Variants in CDC42 observed in about 807,000 individuals in gnomAD.
The protein encoded by CDC42 is cell division cycle 42, also known as cell division control protein 42 homolog.
Under a neutral mutation model 20.8 loss-of-function variants are expected in CDC42, and 1 was observed. That is an observed-to-expected ratio of 0.05 (90% CI 0.02 to 0.23). The LOEUF is 0.23. Ranked by LOEUF, CDC42 falls within the 10% of genes least tolerant of loss-of-function variation. CDC42 has a pLI of 1.00. For missense variants in CDC42, 49 were observed against 227.9 expected, an observed-to-expected ratio of 0.21 and a Z score of 5.05; for synonymous variants, 72 against 84.8, an observed-to-expected ratio of 0.85 and a Z score of 0.83.
intron 5 of CDC42, among the ~76,000 whole-genome samples, chr1:22,088,643 A>G (rs762083419): frequency 1.4e-4 from 22 of 152,194 alleles, no homozygotes; most frequent in Non-Finnish European, 2.9e-4. Flanking sequence ...TTCATAGAGC[A>G]TTTGTTGATC....
intron 1 of CDC42, among the ~76,000 whole-genome samples, chr1:22,056,985 G>T (rs2152825878): frequency 6.6e-6 from 1 of 152,272 alleles, no homozygotes. Flanking sequence ...ATTGCCATTT[G>T]CCATTTCAAT....
At position 22,094,592 on chromosome 1, in the gene CDC42, C is replaced by T. The variant is rs16826584; in HGVS notation, c.*3075C>T. Among the ~76,000 whole-genome samples the T allele has an allele frequency of 9.4e-5, 14 of 148,728 alleles. No homozygotes were observed. In the East Asian group the frequency reaches 1.4e-3, roughly 14 times the overall value. On this transcript the variant is annotated 3_prime_UTR_variant, in exon 6 of 6. Transcript: ENST00000656825. The stretch of plus-strand genomic sequence containing the variant: ...GATTACAGGCGTGAGCCACCGCGCC[C>T]GGCCAGAAATAGATTTTATAGTTAA...
chr1:22,069,853 G>A (rs1645465779), intron 1 of CDC42, among the ~76,000 whole-genome samples: 1 of 152,056 alleles, frequency 6.6e-6, no homozygotes, highest in South Asian at 2.1e-4. Flanking sequence ...GAGTGCAGTG[G>A]CATAATCTTG....
At chr1:22,089,948 TCTGAAGAATGTGTTTGATGAGG>T in intron 5 of CDC42, 1 of 1,613,878 alleles carries the variant, frequency 6.2e-7, no homozygotes, top group East Asian at 2.2e-5. Context: ...TGTAGAGAGG[TCTGAAGAATGTGTTTGATGAGG>T]CTATCCTAGC....
At chr1:22,082,952 T>TCACCG (rs1266371630) in intron 3 of CDC42, among the ~76,000 whole-genome samples, 3 of 149,714 alleles carry the variant, frequency 2.0e-5, no homozygotes, top group Non-Finnish European at 4.4e-5. Context: ...CAATCTCGGC[T>TCACCG]CACCGCAACC....
At chr1:22,070,771 C>T (rs1309871755) in intron 1 of CDC42, among the ~76,000 whole-genome samples, 2 of 151,366 alleles carry the variant, frequency 1.3e-5, no homozygotes, top group South Asian at 2.1e-4. Context: ...GCCTTCTTTG[C>T]CTCTTTTTAA....
chr1:22,078,340 TTGCTCTGAGTGCCTGAACC>T, intron 1 of CDC42, 70 bp from the exon 2 acceptor site: 1 of 571,922 alleles, frequency 1.7e-6, no homozygotes, highest in Non-Finnish European at 3.1e-6. Context: ...AGTTCTTTTC[TTGCTCTGAGTGCCTGAACC>T]TGTTGCTAAG....
intron 5 of CDC42, chr1:22,090,322 A>C (rs1214225464): frequency 9.2e-7 from 1 of 1,090,822 alleles, no homozygotes; most frequent in East Asian, 5.9e-5. Context: ...GTCTGGCTTT[A>C]AGAATGTCCT....
intron 1 of CDC42, among the ~76,000 whole-genome samples, chr1:22,077,922 C>T (rs1213111576): frequency 6.6e-6 from 1 of 152,180 alleles, no homozygotes; most frequent in African/African-American, 2.4e-5. Flanking sequence ...TCACGTTACT[C>T]ATATAATTAC....
intron 1 of CDC42, among the ~76,000 whole-genome samples, chr1:22,071,999 G>C (rs1335746387): frequency 6.6e-6 from 1 of 150,988 alleles, no homozygotes; most frequent in Non-Finnish European, 1.5e-5. Context: ...CCTCTGCCCA[G>C]TAGACTACAA....
chr1:22,087,322 C>T (rs763092664), intron 5 of CDC42, among the ~76,000 whole-genome samples: 20 of 152,158 alleles, frequency 1.3e-4, no homozygotes, highest in Admixed American at 1.3e-3. Flanking sequence ...ACTTTAATGT[C>T]AAAGAAGGCA....
At position 22,067,228 on chromosome 1, in the gene CDC42, T is replaced by C. The variant is rs183205007; in HGVS notation, c.-50-11201T>C. Among the ~76,000 whole-genome samples, 33 of 152,346 alleles carry C rather than the reference T, an allele frequency of 2.2e-4. No individual in the cohort carries two copies. In the East Asian group the frequency reaches 5.2e-3, roughly 24 times the overall value. On this transcript the variant is annotated intron_variant, in intron 1 of 5. Transcript: ENST00000656825. ...GTAGCTTGTAAACGACAGAAACTTA[T>C]CACAGTTCTGCATCCTGGGAAGGAC...
chr1:22,062,767 A>AT (rs1296007404), intron 1 of CDC42, among the ~76,000 whole-genome samples: 8 of 119,118 alleles, frequency 6.7e-5, no homozygotes, highest in African/African-American at 1.9e-4. Context: ...AAAAAAAAAG[A>AT]TTTTTTCCGA....
intron 1 of CDC42, among the ~76,000 whole-genome samples, chr1:22,056,272 T>C (rs539203571): frequency 6.6e-6 from 1 of 152,360 alleles, no homozygotes; most frequent in African/African-American, 2.4e-5. Flanking sequence ...TGGTCAGCCA[T>C]ATCTTTATTT....
chr1:22,062,891 T>C lies in CDC42; in HGVS notation c.-51+10149T>C, dbSNP rs564774906. On this transcript the variant is annotated intron_variant, in intron 1 of 5. Coordinates refer to ENST00000656825, the MANE Select transcript of CDC42 (RefSeq NM_001791.4). ...TCCAACCTGATGACCTATTCTCTAT[T>C]TCTATGCTACTACCGCAGGGCAGAT... 4.6e-5 allele frequency among the ~76,000 whole-genome samples: 7 copies of C among 152,264 alleles called. No homozygotes were observed. In the South Asian group the frequency reaches 8.3e-4, roughly 18 times the overall value.
At chr1:22,062,298 A>G (rs552618942) in intron 1 of CDC42, among the ~76,000 whole-genome samples, 7 of 152,350 alleles carry the variant, frequency 4.6e-5, no homozygotes, top group African/African-American at 1.7e-4. Context: ...ATCTGAATGT[A>G]GGTACTTCTA....
rs16861134 is a variant in CDC42 at position 22,088,937 on chromosome 1, TTG to T, written c.486+2075_486+2076del. Among the ~76,000 whole-genome samples the T allele has an allele frequency of 9.0e-3, 1,373 of 152,296 alleles. 28 individuals are homozygous for T. The highest frequency in any genetic ancestry group is 0.03 in the African/African-American group (1,238 of 41,566). ...AATTTACTGCTGTTTCTGATTTATT[TTG>T]TGTCTAATGTGACATGTGGGTACCA... is the stretch of plus-strand genomic sequence containing the variant. On this transcript the variant is annotated intron_variant, in intron 5 of 5. Transcript: ENST00000656825.
chr1:22,093,448 C>A lies in CDC42; in HGVS notation c.*1931C>A, dbSNP rs2124059748. ...AGAATACAGGTTCTGTGCTGCGAATCTGAATATGGGATACATTTTCTTTAG... is the reference window on the plus strand; with the variant it reads ...AGAATACAGGTTCTGTGCTGCGAATATGAATATGGGATACATTTTCTTTAG... On this transcript the variant is annotated 3_prime_UTR_variant, in exon 6 of 6. Transcript: ENST00000656825. 6.6e-6 allele frequency among the ~76,000 whole-genome samples: 1 copy of A among 152,328 alleles called. No homozygotes were observed. The highest frequency in any genetic ancestry group is 2.1e-4 in the South Asian group (1 of 4,830).
chr1:22,071,046 C>CTTTTTTTTTTTTTTTTTT (rs10684040), intron 1 of CDC42, among the ~76,000 whole-genome samples: 1 of 125,312 alleles, frequency 8.0e-6, no homozygotes, highest in African/African-American at 3.0e-5. Context: ...TTTTTTCTTT[C>CTTTTTTTTTTTTTTTTTT]TTTTTTTTTT....
Sources: gnomAD v4.1 joint callset for allele counts (sites outside exome capture counted in the v4.1 genomes callset) on GRCh38, gnomAD v4.1.1 for gene constraint, MANE v1.5 for transcripts, NCBI Gene and HGNC (gene_info 2026-07-23, HGNC 2026-07-21) for gene names.